The following ZSCAN2 variants were observed in gnomAD, a reference collection of about 807,000 sequenced individuals.
ZSCAN2 encodes zinc finger and SCAN domain-containing protein 2.
A neutral mutation model predicts 47.8 loss-of-function variants in ZSCAN2; 26 were observed. That is an observed-to-expected ratio of 0.54 (90% CI 0.40 to 0.75). The LOEUF is 0.75. ZSCAN2 is among the 30% of genes least tolerant of loss of function. ZSCAN2 has a pLI of 0.00. For missense variants in ZSCAN2, 732 were observed against 785.4 expected, an observed-to-expected ratio of 0.93 and a Z score of 0.81; for synonymous variants, 305 against 288.7, an observed-to-expected ratio of 1.06 and a Z score of -0.57.
At chr15:84,611,377 C>T (rs1895543760) in intron 2 of ZSCAN2, among the ~76,000 whole-genome samples, 2 of 151,540 alleles carry the variant, frequency 1.3e-5, no homozygotes, top group Admixed American at 1.3e-4. Context: ...ATCACTTGAG[C>T]CTGGGAGGTC....
chr15:84,621,605 G>GGA lies in ZSCAN2; in HGVS notation c.1413_1414dup (p.Lys472ArgfsTer7). ...TTGCACACCAGGGCATGCACACAGGGGAGAAACCCTACGAGTGCCTGACAT... is the reference window on the plus strand; with the variant it reads ...TTGCACACCAGGGCATGCACACAGGGGAGAGAAACCCTACGAGTGCCTGACAT... On this transcript the variant is annotated frameshift_variant, in exon 3 of 3. Coordinates refer to ENST00000546148, the MANE Select transcript of ZSCAN2 (RefSeq NM_181877.4). LOFTEE classifies it high-confidence loss of function. The surrounding 1 kb of genome is among the most constrained non-coding windows in gnomAD (Gnocchi z 5.7). 6.2e-7 allele frequency: 1 copy of GGA among 1,613,224 alleles called. No homozygotes were observed. Among genetic ancestry groups the GGA allele is most frequent in the Non-Finnish European group, 8.5e-7 (1 of 1,179,828 alleles).
At chr15:84,618,375 G>A (rs1406453069) in intron 2 of ZSCAN2, among the ~76,000 whole-genome samples, 3 of 152,142 alleles carry the variant, frequency 2.0e-5, no homozygotes, top group Middle Eastern at 3.4e-3. Context: ...CCTAGATCTC[G>A]CCACTGCAGT....
At chr15:84,618,058 ATT>A (rs1895735297) in intron 2 of ZSCAN2, among the ~76,000 whole-genome samples, 1 of 152,250 alleles carries the variant, frequency 6.6e-6, no homozygotes, top group Admixed American at 6.5e-5. Context: ...AAGAGTTTAT[ATT>A]AACTTACAGA....
intron 2 of ZSCAN2, chr15:84,606,714 C>T: frequency 2.8e-6 from 4 of 1,451,186 alleles, no homozygotes; most frequent in South Asian, 3.0e-5. Flanking sequence ...GATTACAGCC[C>T]TTCCCATCCA....
At chr15:84,606,838 T>C in intron 2 of ZSCAN2, 1 of 1,230,140 alleles carries the variant, frequency 8.1e-7, no homozygotes, top group Non-Finnish European at 1.0e-6. Context: ...GCCTCTGAGA[T>C]TGTCTTTGTT....
intron 2 of ZSCAN2, among the ~76,000 whole-genome samples, chr15:84,617,532 C>G (rs1400718259): frequency 6.6e-6 from 1 of 151,690 alleles, no homozygotes; most frequent in African/African-American, 2.4e-5. Context: ...TATCTGTCCC[C>G]TAGTGATATG....
In ZSCAN2 at chr15:84,622,326, T is replaced by G; in HGVS notation, c.*286T>G. The G allele has an allele frequency of 1.7e-6, 1 of 575,844 alleles. No individual in the cohort carries two copies. The highest frequency in any genetic ancestry group is 3.1e-6 in the Non-Finnish European group (1 of 319,034). The allele number at this position is 575,844 out of a possible 1,614,324, so 35.7% of individuals were successfully genotyped here. A position where few individuals can be genotyped will look rare whatever the true frequency, so the allele number is the denominator to read the frequency against. On this transcript the variant is annotated 3_prime_UTR_variant, in exon 3 of 3. Coordinates refer to ENST00000546148, the MANE Select transcript of ZSCAN2 (RefSeq NM_181877.4). Reference sequence around the variant, plus strand: ...CCCCCTCTCATGATTCCTCTGTGCCTCAGTTTCCTCTTTGGTAAAATGGGG... The same window carrying G: ...CCCCCTCTCATGATTCCTCTGTGCCGCAGTTTCCTCTTTGGTAAAATGGGG...
intron 2 of ZSCAN2, among the ~76,000 whole-genome samples, chr15:84,609,291 A>ATC (rs1172240815): frequency 6.0e-5 from 9 of 149,332 alleles, no homozygotes; most frequent in Non-Finnish European, 1.5e-5. Context: ...TATATCATAT[A>ATC]TGATATATGA....
intron 1 of ZSCAN2, among the ~76,000 whole-genome samples, chr15:84,601,708 A>T (rs184490572): frequency 0.011 from 1,695 of 151,702 alleles, 38 homozygotes; most frequent in African/African-American, 0.038. Context: ...ATGATTTTTT[A>T]AAAAATTTTT....
intron 2 of ZSCAN2, among the ~76,000 whole-genome samples, chr15:84,619,429 CA>C (rs760419756): frequency 0.1 from 11,134 of 109,268 alleles, 467 homozygotes; most frequent in African/African-American, 0.16. Flanking sequence ...GACTCCGTCT[CA>C]AAAAAAAAAA....
At chr15:84,601,426 G>C (rs764235247) in intron 1 of ZSCAN2, among the ~76,000 whole-genome samples, 4 of 152,180 alleles carry the variant, frequency 2.6e-5, no homozygotes, top group African/African-American at 4.8e-5. Context: ...ACGTTTTACA[G>C]ATGGGGAAAC....
intron 2 of ZSCAN2, among the ~76,000 whole-genome samples, chr15:84,610,384 C>A (rs28392912): frequency 6.6e-6 from 1 of 152,026 alleles, no homozygotes; most frequent in Non-Finnish European, 1.5e-5. Flanking sequence ...TTGACAGGAA[C>A]CTCTAGGCAC....
chr15:84,622,142 G>T lies in ZSCAN2; in HGVS notation c.*102G>T. ...AGAGCTGTGCTTCCTAAACATTCTG[G>T]GGGGTTTTGCCAGAGTCTTCCCCTT... On this transcript the variant is annotated 3_prime_UTR_variant, in exon 3 of 3. Coordinates refer to ENST00000546148, the MANE Select transcript of ZSCAN2 (RefSeq NM_181877.4). The T allele has an allele frequency of 8.8e-7, 1 of 1,134,802 alleles. No individual in the cohort carries two copies. 70.3% of individuals were successfully genotyped at this position (1,134,802 alleles called of 1,614,324 possible).
chr15:84,606,732 G>A, intron 2 of ZSCAN2: 1 of 1,410,638 alleles, frequency 7.1e-7, no homozygotes, highest in Non-Finnish European at 9.2e-7. Flanking sequence ...CCACCTTGCA[G>A]CAGGGGCTTT....
chr15:84,612,873 T>G (rs1313656921), intron 2 of ZSCAN2, among the ~76,000 whole-genome samples: 3 of 152,268 alleles, frequency 2.0e-5, no homozygotes, highest in Non-Finnish European at 2.9e-5. Context: ...TAAAAGAAGA[T>G]AGCCCCATAA....
rs183131972 is a variant in ZSCAN2 at position 84,618,677 on chromosome 15, T to G, written c.407-1925T>G. Among the ~76,000 whole-genome samples the G allele has an allele frequency of 3.4e-4, 52 of 151,730 alleles. 1 individual carries two copies. In the East Asian group the frequency reaches 0.01, roughly 29 times the overall value. On this transcript the variant is annotated intron_variant, in intron 2 of 2. Coordinates refer to ENST00000546148, the MANE Select transcript of ZSCAN2 (RefSeq NM_181877.4). ...CCTGGGTTCTAGTGATTCTCCTGCCTCAGCCTCCCAAGTAGCTGGGATTAC... is the reference window on the plus strand; with the variant it reads ...CCTGGGTTCTAGTGATTCTCCTGCCGCAGCCTCCCAAGTAGCTGGGATTAC...
At chr15:84,606,776 G>A in intron 2 of ZSCAN2, 2 of 1,355,252 alleles carry the variant, frequency 1.5e-6, no homozygotes, top group Non-Finnish European at 1.9e-6. Context: ...ACCTGAGATG[G>A]GAACCAATGG....
At chr15:84,613,981 C>CTTTT (rs35815000) in intron 2 of ZSCAN2, among the ~76,000 whole-genome samples, 1,429 of 52,240 alleles carry the variant, frequency 0.027, 241 homozygotes, top group African/African-American at 0.048. Context: ...CTCTTGGCCT[C>CTTTT]TTTTTTTTTT....
chr15:84,604,738 C>CTTTTT (rs11459006), intron 2 of ZSCAN2, among the ~76,000 whole-genome samples: 1 of 129,026 alleles, frequency 7.8e-6, no homozygotes, highest in Non-Finnish European at 1.6e-5. Context: ...TTTCTTTTTT[C>CTTTTT]TTTTTTTTTT....
Sources: gnomAD v4.1 joint callset for allele counts (sites outside exome capture counted in the v4.1 genomes callset) on GRCh38, gnomAD v4.1.1 for gene constraint, Gnocchi (gnomAD v3.1) non-coding constraint, MANE v1.5 for transcripts, NCBI Gene and HGNC (gene_info 2026-07-23, HGNC 2026-07-21) for gene names.